The following IRAG2 variants were observed in gnomAD, a reference collection of about 807,000 sequenced individuals.
The protein encoded by IRAG2 is lymphoid restricted membrane protein.
IRAG2 carries 45 observed loss-of-function variants against 69.9 expected under a neutral mutation model. That is an observed-to-expected ratio of 0.64 (90% CI 0.51 to 0.83). The LOEUF is 0.83. IRAG2 is among the 40% of genes least tolerant of loss of function. The pLI is 0.00. For synonymous variants in IRAG2, 193 were observed against 202.4 expected (o/e 0.95, Z 0.40); for missense variants, 520 against 587.0 (o/e 0.89, Z 1.18).
exon 7 of IRAG2, chr12:25,020,791 G>T: frequency 8.2e-7 from 1 of 1,226,660 alleles, no homozygotes; most frequent in South Asian, 4.1e-5. Context: ...CCCCCACAGT[G>T]CCCACCAGGC....
chr12:25,087,180 T>TTTTTTTTTTTTTTTTTG (rs1450270058), intron 10 of IRAG2, among the ~76,000 whole-genome samples: 1 of 125,170 alleles, frequency 8.0e-6, no homozygotes, highest in African/African-American at 3.1e-5. Context: ...TTTTTTTTTT[T>TTTTTTTTTTTTTTTTTG]TTGTTGAGAC....
chr12:25,034,584 A>G (rs113570364), intron 13 of IRAG2, among the ~76,000 whole-genome samples: 2 of 152,324 alleles, frequency 1.3e-5, no homozygotes, highest in South Asian at 2.1e-4. Context: ...TGACTCCCTT[A>G]TGCTATATTT....
chr12:25,098,789 C>T (rs1948579901), intron 15 of IRAG2, among the ~76,000 whole-genome samples: 1 of 152,196 alleles, frequency 6.6e-6, no homozygotes, highest in South Asian at 2.1e-4. Context: ...TGTGTTCAGT[C>T]TCCCTCCTCC....
chr12:25,010,971 A>C (rs534013240), intron 2 of IRAG2, among the ~76,000 whole-genome samples: 1 of 152,320 alleles, frequency 6.6e-6, no homozygotes, highest in Non-Finnish European at 1.5e-5. Flanking sequence ...AACTTCCTTC[A>C]TTGAAGGCTT....
At chr12:25,079,372 A>C (rs1334491584) in intron 7 of IRAG2, 26 bp from the exon 8 acceptor site, 11 of 1,612,194 alleles carry the variant, frequency 6.8e-6, no homozygotes, top group African/African-American at 1.3e-5. Flanking sequence ...TGACATTCCA[A>C]AACATGTTTG....
At chr12:25,063,432 C>G (rs7313952) in intron 3 of IRAG2, among the ~76,000 whole-genome samples, 19,352 of 152,126 alleles carry the variant, frequency 0.13, 1,529 homozygotes, top group African/African-American at 0.22. Flanking sequence ...TTCCTCAAAG[C>G]CTTTGTTTAC....
At chr12:25,015,335 TTGTA>T (rs1944518574) in intron 4 of IRAG2, 1 of 1,231,740 alleles carries the variant, frequency 8.1e-7, no homozygotes, top group South Asian at 4.1e-5. Context: ...CATAAAACTC[TTGTA>T]TGTGTTTCAG....
At chr12:25,026,321 G>A (rs1944621210) in intron 8 of IRAG2, among the ~76,000 whole-genome samples, 1 of 152,206 alleles carries the variant, frequency 6.6e-6, no homozygotes, top group South Asian at 2.1e-4. Flanking sequence ...TGCTGGTGTG[G>A]AGTGGGTGGT....
At chr12:25,005,485 AC>A in intron 2 of IRAG2, 1 of 409,466 alleles carries the variant, frequency 2.4e-6, no homozygotes, top group Non-Finnish European at 4.2e-6. Context: ...GATGGATGCC[AC>A]CTAATTTGGG....
At chr12:25,079,860 T>C (rs1947077190) in intron 9 of IRAG2, 97 bp downstream of exon 9, 1 of 666,596 alleles carries the variant, frequency 1.5e-6, no homozygotes, top group Admixed American at 3.0e-5. Flanking sequence ...TCAATAATGT[T>C]ATTTAATTTT....
chr12:25,096,915 A>G lies in IRAG2; in HGVS notation c.612A>G (p.Leu204=), dbSNP rs139188314. ...ITNCLKLLES[L]TPLCEDDNQA... The stretch of plus-strand genomic sequence containing the variant: ...ATATGCTGTTTTCTATACAGTCTTT[A>G]ACACCTCTGTGTGAAGATGACAACC... Residue 204 remains leucine (L), a synonymous_variant, in exon 15 of 22, where the codon TTA becomes TTG. Transcript: ENST00000556887. 2 of 1,611,878 alleles carry G rather than the reference A, an allele frequency of 1.2e-6. No individual in the cohort carries two copies. The highest frequency in any genetic ancestry group is 1.7e-6 in the Non-Finnish European group (2 of 1,179,238).
intron 14 of IRAG2, among the ~76,000 whole-genome samples, chr12:25,094,162 AC>A (rs1948264922): frequency 6.8e-6 from 1 of 147,448 alleles, no homozygotes; most frequent in African/African-American, 2.5e-5. Context: ...CATTGCCAAA[AC>A]CCATGTCCTG....
chr12:25,055,186 A>G (rs184135443), intron 1 of IRAG2, among the ~76,000 whole-genome samples: 13 of 152,342 alleles, frequency 8.5e-5, no homozygotes, highest in African/African-American at 3.1e-4. Flanking sequence ...TTCACACTAC[A>G]ACTGGAAATT....
upstream of IRAG2, among the ~76,000 whole-genome samples, chr12:25,047,900 T>A (rs930693537): frequency 7.9e-5 from 12 of 152,230 alleles, no homozygotes; most frequent in South Asian, 2.1e-4. Context: ...TTTGCTATTA[T>A]GAATAGTGCT....
chr12:25,068,960 C>T (rs1312012796), intron 5 of IRAG2, among the ~76,000 whole-genome samples: 1 of 152,220 alleles, frequency 6.6e-6, no homozygotes, highest in Non-Finnish European at 1.5e-5. Context: ...CCTGTCCCTG[C>T]CCTCATCCTC....
At chr12:25,051,818 T>A (rs1944879967), upstream of IRAG2, among the ~76,000 whole-genome samples, 2 of 152,162 alleles carry the variant, frequency 1.3e-5, no homozygotes, top group Non-Finnish European at 2.9e-5. Context: ...TTCTTTTCCC[T>A]CCCCCTACCT....
intron 5 of IRAG2, among the ~76,000 whole-genome samples, chr12:25,067,859 G>C (rs1425838633): frequency 6.6e-6 from 1 of 151,850 alleles, no homozygotes; most frequent in East Asian, 1.9e-4. Flanking sequence ...TTTGTTTTTT[G>C]AGACAGAGTC....
At chr12:25,017,145 A>G in exon 6 of IRAG2, 3 of 1,232,038 alleles carry the variant, frequency 2.4e-6, no homozygotes, top group Non-Finnish European at 3.0e-6. Flanking sequence ...GAGGTGTCTG[A>G]TTTGATTGCC....
At chr12:25,066,653 A>G (rs1591986768) in intron 5 of IRAG2, 141 bp downstream of exon 5, 1 of 387,034 alleles carries the variant, frequency 2.6e-6, no homozygotes, top group Non-Finnish European at 4.6e-6. Context: ...AAAATTTACA[A>G]TTTCTTTCTT....
Sources: gnomAD v4.1 joint callset for allele counts (sites outside exome capture counted in the v4.1 genomes callset) on GRCh38, gnomAD v4.1.1 for gene constraint, MANE v1.5 for transcripts, NCBI Gene and HGNC (gene_info 2026-07-23, HGNC 2026-07-21) for gene names.